Variants in FAM81A observed in about 807,000 individuals in gnomAD.
FAM81A encodes the protein family with sequence similarity 81 member A.
Under a neutral mutation model 46.7 loss-of-function variants are expected in FAM81A, and 19 were observed. The observed-to-expected ratio is 0.41, with a 90% confidence interval of 0.28 to 0.60. The LOEUF is 0.60. Ranked by LOEUF, FAM81A falls within the 20% of genes least tolerant of loss-of-function variation. The pLI, the probability that FAM81A is intolerant of heterozygous loss-of-function variation, is 0.34. For synonymous variants in FAM81A, 183 were observed against 152.9 expected, an observed-to-expected ratio of 1.20 and a Z score of -1.45; for missense variants, 377 against 453.5, an observed-to-expected ratio of 0.83 and a Z score of 1.53.
intron 1 of FAM81A, among the ~76,000 whole-genome samples, chr15:59,444,949 T>G (rs1250208810): frequency 6.6e-6 from 1 of 152,186 alleles, no homozygotes; most frequent in Non-Finnish European, 1.5e-5. Context: ...ATAAAATGGT[T>G]TATCGGAAGG....
intron 6 of FAM81A, among the ~76,000 whole-genome samples, chr15:59,511,414 C>T (rs1194201329): frequency 1.3e-5 from 2 of 152,106 alleles, no homozygotes; most frequent in African/African-American, 2.4e-5. Context: ...GGTATAATTT[C>T]CAAACATTAG....
At position 59,495,616 on chromosome 15, in the gene FAM81A, C is replaced by T. The variant is rs115305133; in HGVS notation, c.413+3227C>T. On this transcript the variant is annotated intron_variant, in intron 4 of 8. Transcript: ENST00000288228. ...CAGCTAGACTGTTTGCCGAAGTGGC[C>T]GCCACTTTACATTGCCCCCAGCAGT... 9.6e-3 allele frequency among the ~76,000 whole-genome samples: 1,465 copies of T among 152,242 alleles called. 25 individuals carry two copies. Among genetic ancestry groups the T allele is most frequent in the African/African-American group, 0.034 (1,403 of 41,532 alleles).
intron 4 of FAM81A, among the ~76,000 whole-genome samples, chr15:59,505,389 G>A (rs150644609): frequency 6.6e-6 from 1 of 152,046 alleles, no homozygotes; most frequent in Non-Finnish European, 1.5e-5. Context: ...ATGTGTACCT[G>A]TAATCCCAGC....
At chr15:59,520,190 G>GA (rs2082313006) in intron 8 of FAM81A, among the ~76,000 whole-genome samples, 1 of 151,922 alleles carries the variant, frequency 6.6e-6, no homozygotes, top group Non-Finnish European at 1.5e-5. Flanking sequence ...CAAGGAAGCT[G>GA]AAAGTTTGGA....
intron 8 of FAM81A, among the ~76,000 whole-genome samples, chr15:59,518,312 T>A (rs2082288812): frequency 6.6e-6 from 1 of 151,792 alleles, no homozygotes; most frequent in Non-Finnish European, 1.5e-5. Context: ...TTATTTCCAT[T>A]TTTTTGGAAA....
chr15:59,465,638 T>C lies in FAM81A; in HGVS notation c.294+5432T>C, dbSNP rs150528077. On this transcript the variant is annotated intron_variant, in intron 3 of 8. Transcript: ENST00000288228. ...GTCTTTTGTGGTTCCATACAAATTT[T>C]AGGGTTTTTGGTTGAGTGCAGAGAA... 9.0e-3 allele frequency among the ~76,000 whole-genome samples: 1,365 copies of C among 152,304 alleles called. 23 individuals are homozygous for C. The highest frequency in any genetic ancestry group is 0.031 in the African/African-American group (1,270 of 41,566).
chr15:59,421,215 G>A (rs1293521501), intron 2 of FAM81A, among the ~76,000 whole-genome samples: 9 of 152,214 alleles, frequency 5.9e-5, no homozygotes, highest in African/African-American at 2.2e-4. Flanking sequence ...CTTGTGCATA[G>A]ATCACACTTC....
At chr15:59,461,881 G>A (rs1319410490) in intron 3 of FAM81A, among the ~76,000 whole-genome samples, 1 of 152,020 alleles carries the variant, frequency 6.6e-6, no homozygotes, top group Non-Finnish European at 1.5e-5. Flanking sequence ...GAATTGCTGG[G>A]TCTTATAGTG....
intron 3 of FAM81A, among the ~76,000 whole-genome samples, chr15:59,465,525 G>A (rs1035439774): frequency 4.6e-5 from 7 of 152,144 alleles, no homozygotes; most frequent in Admixed American, 3.9e-4. Context: ...CGCCCATCTC[G>A]GCCTCCCAAA....
At position 59,473,333 on chromosome 15, in the gene FAM81A, T is replaced by A. The variant is rs184979334; in HGVS notation, c.294+13127T>A. Among the ~76,000 whole-genome samples the A allele has an allele frequency of 1.8e-4, 27 of 152,312 alleles. No homozygotes were observed. In the East Asian group the frequency reaches 5.0e-3, roughly 28 times the overall value. On this transcript the variant is annotated intron_variant, in intron 3 of 8. Transcript: ENST00000288228. Reference sequence around the variant, plus strand: ...TTCACCACCCGGCCTGGGTGGGACGTGAATCACTACTTTGTCCACACTGTA... The same window carrying A: ...TTCACCACCCGGCCTGGGTGGGACGAGAATCACTACTTTGTCCACACTGTA...
intron 4 of FAM81A, among the ~76,000 whole-genome samples, chr15:59,495,503 C>T (rs2082023852): frequency 1.3e-5 from 2 of 152,110 alleles, no homozygotes; most frequent in Non-Finnish European, 2.9e-5. Context: ...TTTGTGTGCT[C>T]ATAGGTTTTC....
chr15:59,422,111 G>T (rs1410950755), intron 2 of FAM81A, among the ~76,000 whole-genome samples: 1 of 152,038 alleles, frequency 6.6e-6, no homozygotes, highest in African/African-American at 2.4e-5. Context: ...AGTGGGCCAG[G>T]CACAGTGGCT....
At chr15:59,401,770 A>ATT (rs57470869) in intron 1 of FAM81A, 7,928 of 691,720 alleles carry the variant, frequency 0.011, 9 homozygotes, top group Non-Finnish European at 0.014. Flanking sequence ...TCTTTTCAGC[A>ATT]TTTTTTTTTT....
Position 59,460,152 on chromosome 15 carries a change from G to A in FAM81A, c.240G>A (p.Glu80=), listed in dbSNP as rs758538549. 19 of 1,613,918 alleles carry A rather than the reference G, an allele frequency of 1.2e-5. 1 individual carries two copies. Among genetic ancestry groups the A allele is most frequent in the Admixed American group, 8.3e-5 (5 of 60,010 alleles). ...ACCGCTTGGCCAGGCTTTTCTTGGA[G>A]GAGCATATCAGAAACATAACTGCCA... The part of the protein sequence containing the change: ...GGDRLARLFL[E]EHIRNITAIV... Residue 80 remains glutamate (E), a synonymous_variant, in exon 3 of 9, where the codon GAG becomes GAA. Transcript: ENST00000288228. This position sits in a 1 kb window ranked among gnomAD's most constrained non-coding sequence, Gnocchi z 4.4.
chr15:59,411,549 C>A (rs1168835723), intron 2 of FAM81A, among the ~76,000 whole-genome samples: 1 of 152,174 alleles, frequency 6.6e-6, no homozygotes, highest in African/African-American at 2.4e-5. Context: ...AGGGAAAAGA[C>A]AAAAGTTTCA....
intron 5 of FAM81A, 55 bp from the exon 6 acceptor site, chr15:59,508,808 A>T: frequency 7.7e-7 from 1 of 1,305,584 alleles, no homozygotes; most frequent in East Asian, 2.4e-5. Flanking sequence ...ATGTTTTCTG[A>T]AGTTGCATCT....
At chr15:59,480,952 A>G (rs2081842775) in intron 3 of FAM81A, among the ~76,000 whole-genome samples, 1 of 152,170 alleles carries the variant, frequency 6.6e-6, no homozygotes, top group Admixed American at 6.5e-5. Context: ...AATGTCAGGT[A>G]GGATTCTTTC....
chr15:59,463,035 T>C (rs1327546846), intron 3 of FAM81A, among the ~76,000 whole-genome samples: 1 of 152,196 alleles, frequency 6.6e-6, no homozygotes, highest in Admixed American at 6.5e-5. Context: ...CTAATATCAA[T>C]TTTTTTCTTC....
intron 2 of FAM81A, among the ~76,000 whole-genome samples, chr15:59,414,806 G>C (rs1176648943): frequency 6.6e-6 from 1 of 152,182 alleles, no homozygotes; most frequent in East Asian, 1.9e-4. Flanking sequence ...TACCTGACGT[G>C]GTAAAAGGAA....
Sources: gnomAD v4.1 joint callset for allele counts (sites outside exome capture counted in the v4.1 genomes callset) on GRCh38, gnomAD v4.1.1 for gene constraint, Gnocchi (gnomAD v3.1) non-coding constraint, MANE v1.5 for transcripts, NCBI Gene and HGNC (gene_info 2026-07-23, HGNC 2026-07-21) for gene names.